RABEP1: variants seen among roughly 807,000 people sequenced by gnomAD.
RABEP1 encodes the protein rab GTPase-binding effector protein 1.
In RABEP1, 51 loss-of-function variants were observed where a neutral mutation model predicts 123.4. That is an observed-to-expected ratio of 0.41 (90% CI 0.33 to 0.52). The LOEUF is 0.52. Among genes scored for constraint, RABEP1 ranks in the 20% least tolerant of loss-of-function variants. The pLI, the probability that RABEP1 is intolerant of heterozygous loss-of-function variation, is 0.16. For missense variants in RABEP1, 888 were observed against 996.3 expected (o/e 0.89, Z 1.46); for synonymous variants, 347 against 355.2 (o/e 0.98, Z 0.26).
chr17:5,331,831 A>G lies in RABEP1; in HGVS notation c.164-118A>G, dbSNP rs543607289. ...CCAGCTTACCTTAAATCTCACCTCTATTAAAAGGGTGTCATTTTGTATGTT... is the reference window on the plus strand; with the variant it reads ...CCAGCTTACCTTAAATCTCACCTCTGTTAAAAGGGTGTCATTTTGTATGTT... On this transcript the variant is annotated intron_variant, in intron 2 of 17. Transcript: ENST00000537505. 147 of 855,950 alleles carry G rather than the reference A, an allele frequency of 1.7e-4. 1 individual carries two copies. Among genetic ancestry groups the G allele is most frequent in the Middle Eastern group, 1.1e-3 (3 of 2,852 alleles). 53.0% of individuals were successfully genotyped at this position (855,950 alleles called of 1,614,324 possible). A position where few individuals can be genotyped will look rare whatever the true frequency, so the allele number is the denominator to read the frequency against.
intron 8 of RABEP1, chr17:5,356,460 G>A (rs1195581456): frequency 6.1e-6 from 1 of 164,920 alleles, no homozygotes; most frequent in African/African-American, 2.4e-5. Context: ...CTTATAATAT[G>A]CTTTTCTCTC....
At chr17:5,339,873 A>G (rs1907432888) in intron 5 of RABEP1, among the ~76,000 whole-genome samples, 1 of 152,186 alleles carries the variant, frequency 6.6e-6, no homozygotes, top group South Asian at 2.1e-4. Flanking sequence ...ACCAAAAGAA[A>G]GCTGATATAC....
intron 2 of RABEP1, among the ~76,000 whole-genome samples, chr17:5,331,562 A>AT (rs1373453402): frequency 6.6e-6 from 1 of 152,172 alleles, no homozygotes; most frequent in African/African-American, 2.4e-5. Context: ...TTTATTAAAC[A>AT]TTTTTTGAAT....
chr17:5,306,678 A>G (rs890381236), intron 1 of RABEP1, among the ~76,000 whole-genome samples: 8 of 151,952 alleles, frequency 5.3e-5, no homozygotes, highest in African/African-American at 1.9e-4. Flanking sequence ...CTGGAAGTCT[A>G]AGCATGGAAC....
intron 1 of RABEP1, among the ~76,000 whole-genome samples, chr17:5,286,561 C>T (rs2074980109): frequency 6.6e-6 from 1 of 152,136 alleles, no homozygotes; most frequent in Non-Finnish European, 1.5e-5. Flanking sequence ...GAATCCTATG[C>T]TAGGATCTAG....
intron 15 of RABEP1, 106 bp downstream of exon 15, chr17:5,378,338 C>A (rs1292637314): frequency 2.7e-6 from 3 of 1,093,070 alleles, no homozygotes; most frequent in Middle Eastern, 2.0e-4. Context: ...ATGGGCCCTG[C>A]CTTAAGGAAC....
chr17:5,330,435 A>G (rs994127399), intron 2 of RABEP1, among the ~76,000 whole-genome samples: 2 of 152,216 alleles, frequency 1.3e-5, no homozygotes, highest in Non-Finnish European at 2.9e-5. Context: ...CTGTGATAAC[A>G]ATGAACATTT....
At position 5,373,236 on chromosome 17, in the gene RABEP1, A is replaced by T. The variant is rs3026097; in HGVS notation, c.1885-78A>T. The T allele has an allele frequency of 0.21, 291,530 of 1,404,076 alleles. 31,728 individuals carry two copies. Among genetic ancestry groups the T allele is most frequent in the African/African-American group, 0.37 (25,914 of 69,282 alleles). The allele number at this position is 1,404,076 out of a possible 1,614,324, so 87.0% of individuals were successfully genotyped here. On this transcript the variant is annotated intron_variant, in intron 12 of 17. Coordinates refer to ENST00000537505, the MANE Select transcript of RABEP1 (RefSeq NM_004703.6). ...CATCCTCAGCACTCCTTTAGTTTGG[A>T]CTTGTTTTTCTCTGGTGTAGCTATC...
At chr17:5,317,055 C>A (rs575044007) in intron 2 of RABEP1, among the ~76,000 whole-genome samples, 2 of 152,120 alleles carry the variant, frequency 1.3e-5, no homozygotes, top group Admixed American at 6.5e-5. Flanking sequence ...CGGGCACCTG[C>A]TACCATGCCT....
At chr17:5,363,514 G>T (rs974037047) in intron 10 of RABEP1, among the ~76,000 whole-genome samples, 2 of 152,014 alleles carry the variant, frequency 1.3e-5, no homozygotes, top group African/African-American at 4.8e-5. Flanking sequence ...CACCGCGCTC[G>T]GCCAGGACTC....
intron 1 of RABEP1, among the ~76,000 whole-genome samples, chr17:5,295,059 A>G (rs1325718191): frequency 2.6e-5 from 4 of 152,056 alleles, no homozygotes; most frequent in African/African-American, 9.7e-5. Flanking sequence ...ACTTAAATGA[A>G]GAGATGTTCA....
rs145395441 is a variant in RABEP1, at chr17:5,301,559, A to G, written c.35-7135A>G. Reference sequence around the variant, plus strand: ...GGAACCTGAACCAGAATATAAATCCATGTACTGCTTTCTTCATTGAAAAAT... The same window carrying G: ...GGAACCTGAACCAGAATATAAATCCGTGTACTGCTTTCTTCATTGAAAAAT... On this transcript the variant is annotated intron_variant, in intron 1 of 17. Transcript: ENST00000537505. Among the ~76,000 whole-genome samples the G allele has an allele frequency of 5.3e-4, 80 of 152,314 alleles. 1 individual carries two copies. Among genetic ancestry groups the G allele is most frequent in the African/African-American group, 1.8e-3 (73 of 41,580 alleles).
chr17:5,319,410 A>G (rs558352466), intron 2 of RABEP1, among the ~76,000 whole-genome samples: 40 of 151,406 alleles, frequency 2.6e-4, no homozygotes, highest in South Asian at 2.5e-3. Flanking sequence ...TTCATCACCC[A>G]GGCTGGAGTG....
intron 11 of RABEP1, among the ~76,000 whole-genome samples, chr17:5,365,728 T>C (rs1909952911): frequency 6.6e-6 from 1 of 152,234 alleles, no homozygotes; most frequent in Non-Finnish European, 1.5e-5. Context: ...CTGTCCTAAC[T>C]TGTAACACCA....
intron 2 of RABEP1, among the ~76,000 whole-genome samples, chr17:5,312,533 TTA>T (rs1322863621): frequency 6.6e-6 from 1 of 152,224 alleles, no homozygotes; most frequent in African/African-American, 2.4e-5. Context: ...CTTGTAGAAT[TTA>T]GCCCTGGCTT....
intron 17 of RABEP1, 103 bp downstream of exon 17, chr17:5,381,608 G>T: frequency 6.8e-7 from 1 of 1,476,288 alleles, no homozygotes; most frequent in East Asian, 2.4e-5. Context: ...GAGGTTTAGA[G>T]ACTGGCTGCT....
At chr17:5,348,359 G>A (rs1465032894) in intron 6 of RABEP1, among the ~76,000 whole-genome samples, 3 of 152,178 alleles carry the variant, frequency 2.0e-5, no homozygotes, top group Admixed American at 2.0e-4. Flanking sequence ...TCAGAGAGAA[G>A]CATGGCATTC....
intron 1 of RABEP1, among the ~76,000 whole-genome samples, chr17:5,285,666 A>G (rs777127301): frequency 6.6e-5 from 10 of 152,230 alleles, no homozygotes; most frequent in Admixed American, 1.3e-4. Context: ...TCTTCATAGC[A>G]ATGGTACTAT....
chr17:5,354,290 G>A (rs1908821835), intron 7 of RABEP1, 69 bp from the exon 8 acceptor site: 1 of 1,378,450 alleles, frequency 7.3e-7, no homozygotes, highest in Admixed American at 2.3e-5. Flanking sequence ...TGTTTTGAAT[G>A]GTTAAAGAAC....
Sources: allele counts gnomAD v4.1 joint callset (sites outside exome capture counted in the v4.1 genomes callset), GRCh38; gene constraint gnomAD v4.1.1; transcripts MANE v1.5; gene names NCBI Gene and HGNC (gene_info 2026-07-23, HGNC 2026-07-21).